Variants in CDH13 observed in about 807,000 individuals in gnomAD.
CDH13 encodes the protein cadherin-13.
A neutral mutation model predicts 63.8 loss-of-function variants in CDH13; 24 were observed. That is an observed-to-expected ratio of 0.38 (90% CI 0.27 to 0.53). CDH13 has a LOEUF of 0.53. CDH13 is among the 20% of genes least tolerant of loss of function. The pLI is 0.85. For synonymous variants in CDH13, 503 were observed against 355.3 expected (o/e 1.42, Z -4.67); for missense variants, 1,049 against 903.1 (o/e 1.16, Z -2.07).
At chr16:82,882,920 G>A (rs1025765554) in intron 2 of CDH13, among the ~76,000 whole-genome samples, 2 of 152,174 alleles carry the variant, frequency 1.3e-5, no homozygotes, top group Admixed American at 6.5e-5. Flanking sequence ...AAGGAAGCAT[G>A]TATAAGCCTA....
rs183328195 is a variant in CDH13, at chr16:82,737,163, C to G, written c.45+110026C>G. On this transcript the variant is annotated intron_variant, in intron 1 of 13. Coordinates refer to ENST00000567109, the MANE Select transcript of CDH13 (RefSeq NM_001257.5). ...ACAATTTCATTTGTGTGCTGGGCACCTGGATGTCCCAAAGGCATGTGAACT... is the reference window on the plus strand; with the variant it reads ...ACAATTTCATTTGTGTGCTGGGCACGTGGATGTCCCAAAGGCATGTGAACT... Among the ~76,000 whole-genome samples the G allele has an allele frequency of 3.0e-4, 45 of 152,324 alleles. No individual in the cohort carries two copies. In the East Asian group the frequency reaches 7.5e-3, roughly 25 times the overall value.
At chr16:82,842,106 ATATATG>A (rs1281401754) in intron 1 of CDH13, among the ~76,000 whole-genome samples, 3,753 of 38,026 alleles carry the variant, frequency 0.099, 198 homozygotes, top group East Asian at 0.35. Context: ...ATATATATAT[ATATATG>A]TATATATATA....
intron 1 of CDH13, chr16:82,639,334 G>T (rs1300542843): frequency 1.3e-6 from 2 of 1,497,326 alleles, no homozygotes; most frequent in East Asian, 4.9e-5. Flanking sequence ...TGTGTTCTTT[G>T]TCTCCATGTC....
chr16:82,840,997 C>G (rs1349203551), intron 1 of CDH13, among the ~76,000 whole-genome samples: 1 of 152,166 alleles, frequency 6.6e-6, no homozygotes, highest in African/African-American at 2.4e-5. Flanking sequence ...CCAAAAATCA[C>G]TTTTAGTTGA....
At chr16:83,128,188 G>C (rs1253248743) in intron 4 of CDH13, among the ~76,000 whole-genome samples, 1 of 152,030 alleles carries the variant, frequency 6.6e-6, no homozygotes, top group African/African-American at 2.4e-5. Flanking sequence ...CACTGGGGTG[G>C]GGGTGAGGAC....
At chr16:83,685,626 A>T (rs1904300547) in intron 10 of CDH13, among the ~76,000 whole-genome samples, 1 of 152,206 alleles carries the variant, frequency 6.6e-6, no homozygotes, top group Admixed American at 6.5e-5. Context: ...GCTGCAAATG[A>T]TGGTGTCCCT....
At chr16:82,845,198 C>T (rs1567594044) in intron 1 of CDH13, among the ~76,000 whole-genome samples, 1 of 152,136 alleles carries the variant, frequency 6.6e-6, no homozygotes, top group African/African-American at 2.4e-5. Context: ...GGCCAGTGCA[C>T]AGGGACCTCG....
chr16:83,554,377 C>T (rs1237848621), intron 7 of CDH13, among the ~76,000 whole-genome samples: 1 of 151,818 alleles, frequency 6.6e-6, no homozygotes, highest in East Asian at 1.9e-4. Flanking sequence ...TCAAAGGAGG[C>T]ATAGAAAGGA....
chr16:83,535,392 T>C (rs1368893204), intron 7 of CDH13, among the ~76,000 whole-genome samples: 1 of 152,194 alleles, frequency 6.6e-6, no homozygotes, highest in Non-Finnish European at 1.5e-5. Flanking sequence ...ACATTGTAGA[T>C]GGGCAAAGTA....
intron 1 of CDH13, among the ~76,000 whole-genome samples, chr16:82,739,614 A>G (rs1049402630): frequency 1.3e-5 from 2 of 152,190 alleles, no homozygotes; most frequent in Non-Finnish European, 2.9e-5. Context: ...TTTCAAATTA[A>G]ATGAAGACAC....
At chr16:83,057,750 G>A (rs1249163621) in intron 3 of CDH13, among the ~76,000 whole-genome samples, 5 of 152,176 alleles carry the variant, frequency 3.3e-5, no homozygotes, top group South Asian at 2.1e-4. Context: ...ATTTTAAACC[G>A]TCTAAGATAA....
At chr16:82,731,803 T>C (rs2033417830) in intron 1 of CDH13, among the ~76,000 whole-genome samples, 1 of 152,268 alleles carries the variant, frequency 6.6e-6, no homozygotes, top group South Asian at 2.1e-4. Flanking sequence ...TTACTTATCT[T>C]TGATATCAGT....
intron 1 of CDH13, among the ~76,000 whole-genome samples, chr16:82,730,242 C>G: frequency 6.6e-6 from 1 of 152,204 alleles, no homozygotes; most frequent in African/African-American, 2.4e-5. Context: ...CCGGTCTTGG[C>G]TTTCAACATA....
At chr16:83,697,267 G>T (rs1234090871) in intron 10 of CDH13, among the ~76,000 whole-genome samples, 1 of 152,176 alleles carries the variant, frequency 6.6e-6, no homozygotes, top group Non-Finnish European at 1.5e-5. Context: ...GCCTTCTTTT[G>T]CTTTGCCTTC....
At chr16:83,007,824 C>CAA (rs563773010) in intron 2 of CDH13, among the ~76,000 whole-genome samples, 13,734 of 124,604 alleles carry the variant, frequency 0.11, 736 homozygotes, top group African/African-American at 0.17. Context: ...ACGACTCTGT[C>CAA]AAAAAAAAAA....
intron 6 of CDH13, among the ~76,000 whole-genome samples, chr16:83,384,086 G>T (rs2091624611): frequency 1.3e-5 from 2 of 152,040 alleles, no homozygotes; most frequent in Admixed American, 6.6e-5. Context: ...TCTCTGCATT[G>T]TTCATACATT....
At chr16:83,066,230 G>C (rs544241188) in intron 3 of CDH13, among the ~76,000 whole-genome samples, 5 of 152,196 alleles carry the variant, frequency 3.3e-5, no homozygotes, top group African/African-American at 1.2e-4. Context: ...CTCAACAAGT[G>C]ACTAAGCTCT....
At chr16:83,320,931 C>T (rs187918044) in intron 5 of CDH13, among the ~76,000 whole-genome samples, 1 of 152,288 alleles carries the variant, frequency 6.6e-6, no homozygotes, top group East Asian at 1.9e-4. Context: ...AATCCCAAGA[C>T]CAAAATCTTA....
At position 83,125,495 on chromosome 16, in the gene CDH13, T is replaced by G. The variant is rs537777339; in HGVS notation, c.477T>G (p.Val159=). Residue 159 remains valine (V), a synonymous_variant, in exon 4 of 14, where the codon GTT becomes GTG. Coordinates refer to ENST00000567109, the MANE Select transcript of CDH13 (RefSeq NM_001257.5). The part of the protein sequence containing the change: ...ENQRQPFPRD[V]GKVVDSDRPE... ...AGAGACAGCCTTTCCCAAGAGATGT[T>G]GGCAAGGTAAGTCAGACAAACAGCA... is the stretch of plus-strand genomic sequence containing the variant. 8 of 1,570,880 alleles carry G rather than the reference T, an allele frequency of 5.1e-6. No homozygotes were observed. The South Asian group carries it at 8.9e-5, about 17-fold the overall frequency.
Sources: allele counts gnomAD v4.1 joint callset (sites outside exome capture counted in the v4.1 genomes callset), GRCh38; gene constraint gnomAD v4.1.1; transcripts MANE v1.5; gene names NCBI Gene and HGNC (gene_info 2026-07-23, HGNC 2026-07-21).